MSH3: variants seen among roughly 807,000 people sequenced by gnomAD.
MSH3 encodes the protein mutS homolog 3.
A neutral mutation model predicts 123.3 loss-of-function variants in MSH3; 106 were observed. The observed-to-expected ratio is 0.86, with a 90% CI of 0.73 to 1.01. The LOEUF is 1.01. MSH3 is among the 50% of genes least tolerant of loss of function. The pLI is 0.00. For synonymous variants in MSH3, 515 were observed against 481.4 expected (o/e 1.07, Z -0.91); for missense variants, 1,459 against 1,347.6 (o/e 1.08, Z -1.29).
At chr5:80,840,311 A>T (rs1423045162) in intron 20 of MSH3, among the ~76,000 whole-genome samples, 3 of 152,222 alleles carry the variant, frequency 2.0e-5, no homozygotes, top group Non-Finnish European at 4.4e-5. Flanking sequence ...GGGAAAGGAA[A>T]GGGGAATCTT....
chr5:80,695,278 A>G (rs758274293), intron 8 of MSH3, among the ~76,000 whole-genome samples: 8 of 150,216 alleles, frequency 5.3e-5, no homozygotes, highest in African/African-American at 1.2e-4. Context: ...TGTTTCCTCT[A>G]TTGTGCTGTT....
chr5:80,695,906 T>C (rs1028502513), intron 8 of MSH3, among the ~76,000 whole-genome samples: 7 of 152,198 alleles, frequency 4.6e-5, no homozygotes, highest in African/African-American at 1.4e-4. Context: ...TTTTGTATTA[T>C]GTTGTGAGAT....
intron 22 of MSH3, among the ~76,000 whole-genome samples, chr5:80,870,940 C>T (rs1746202421): frequency 6.6e-6 from 1 of 150,396 alleles, no homozygotes; most frequent in South Asian, 2.1e-4. Context: ...TTTTGCAGCA[C>T]AATTATATTG....
At chr5:80,854,440 T>A in intron 21 of MSH3, 124 bp downstream of exon 21, 2 of 820,920 alleles carry the variant, frequency 2.4e-6, no homozygotes, top group Non-Finnish European at 3.9e-6. Context: ...ATAAACAATA[T>A]GGAGTGATTA....
chr5:80,700,467 A>G (rs887272559), intron 8 of MSH3, among the ~76,000 whole-genome samples: 3 of 152,310 alleles, frequency 2.0e-5, no homozygotes, highest in African/African-American at 2.4e-5. Flanking sequence ...TTTAAAGAGG[A>G]AGTGTTATTA....
chr5:80,747,649 T>C (rs988519446), intron 12 of MSH3, among the ~76,000 whole-genome samples: 9 of 152,220 alleles, frequency 5.9e-5, no homozygotes, highest in African/African-American at 2.2e-4. Flanking sequence ...GGCTCAGCTA[T>C]ATAATTAGTC....
chr5:80,680,936 A>G (rs988002311), intron 8 of MSH3, among the ~76,000 whole-genome samples: 1 of 152,222 alleles, frequency 6.6e-6, no homozygotes, highest in Admixed American at 6.5e-5. Flanking sequence ...ATATCCATAT[A>G]CAGAAATACT....
At chr5:80,703,937 C>G (rs753498157) in intron 8 of MSH3, among the ~76,000 whole-genome samples, 6 of 152,030 alleles carry the variant, frequency 3.9e-5, no homozygotes, top group Non-Finnish European at 5.9e-5. Flanking sequence ...AAGCACGTGT[C>G]TGTGGTTTCT....
chr5:80,715,233 T>C (rs1750937406), intron 8 of MSH3: 1 of 152,294 alleles, frequency 6.6e-6, no homozygotes, highest in African/African-American at 2.4e-5. Flanking sequence ...ATAGGTTGAG[T>C]ACCTGTTTTA....
intron 12 of MSH3, among the ~76,000 whole-genome samples, chr5:80,760,794 C>G (rs1744019541): frequency 6.6e-6 from 1 of 152,176 alleles, no homozygotes; most frequent in Non-Finnish European, 1.5e-5. Flanking sequence ...GCTTGCCTAG[C>G]TGGCAAAGGG....
intron 4 of MSH3, among the ~76,000 whole-genome samples, chr5:80,670,670 G>A (rs550168679): frequency 6.6e-6 from 1 of 152,148 alleles, no homozygotes; most frequent in Non-Finnish European, 1.5e-5. Flanking sequence ...GAGATGTATA[G>A]AAGTTCCTCT....
At chr5:80,856,341 C>T (rs1367959436) in intron 21 of MSH3, among the ~76,000 whole-genome samples, 1 of 151,582 alleles carries the variant, frequency 6.6e-6, no homozygotes, top group Non-Finnish European at 1.5e-5. Context: ...AAAGATGTAA[C>T]TCAGAAACTT....
chr5:80,762,881 T>C (rs1352742525), intron 13 of MSH3, among the ~76,000 whole-genome samples: 2 of 151,546 alleles, frequency 1.3e-5, no homozygotes, highest in African/African-American at 4.9e-5. Flanking sequence ...ACTTTTACTC[T>C]CGTCACCCAG....
chr5:80,749,321 G>A (rs1342262572), intron 12 of MSH3, among the ~76,000 whole-genome samples: 2 of 152,190 alleles, frequency 1.3e-5, no homozygotes, highest in African/African-American at 2.4e-5. Flanking sequence ...GAGTCCAAAA[G>A]TTGAAGAACT....
chr5:80,755,347 G>A (rs937070609), intron 12 of MSH3, among the ~76,000 whole-genome samples: 1 of 152,160 alleles, frequency 6.6e-6, no homozygotes, highest in Admixed American at 6.6e-5. Context: ...CAAACGACCT[G>A]CAGCAAATGG....
chr5:80,750,966 A>G (rs571685415), intron 12 of MSH3, among the ~76,000 whole-genome samples: 8 of 152,218 alleles, frequency 5.3e-5, no homozygotes, highest in African/African-American at 1.9e-4. Flanking sequence ...AATCTAAATT[A>G]TGTTCCTTGT....
chr5:80,870,557 G>T (rs776588798), intron 22 of MSH3, among the ~76,000 whole-genome samples: 1 of 152,056 alleles, frequency 6.6e-6, no homozygotes, highest in Non-Finnish European at 1.5e-5. Flanking sequence ...ACCTACTTCC[G>T]CACCTGTGTT....
chr5:80,658,737 G>A (rs947705419), intron 2 of MSH3, among the ~76,000 whole-genome samples: 1 of 151,826 alleles, frequency 6.6e-6, no homozygotes, highest in Non-Finnish European at 1.5e-5. Flanking sequence ...GACCACAGGT[G>A]CATGCCACCA....
intron 17 of MSH3, among the ~76,000 whole-genome samples, chr5:80,782,153 T>C (rs1384161737): frequency 1.3e-5 from 2 of 152,170 alleles, no homozygotes; most frequent in African/African-American, 4.8e-5. Flanking sequence ...TACATACATA[T>C]ATATATGTAT....
Sources: gnomAD v4.1 joint callset for allele counts (sites outside exome capture counted in the v4.1 genomes callset) on GRCh38, gnomAD v4.1.1 for gene constraint, MANE v1.5 for transcripts, NCBI Gene and HGNC (gene_info 2026-07-23, HGNC 2026-07-21) for gene names.